Variants in GPR39 observed in about 807,000 individuals in gnomAD.
GPR39 encodes zinc sensing receptor.
In GPR39, 23 loss-of-function variants were observed where a neutral mutation model predicts 18.4. The ratio of observed to expected loss-of-function variants is 1.25; its 90% CI spans 0.90 to 1.77. The LOEUF (loss-of-function observed/expected upper bound fraction) is 1.77. GPR39 is among the 40% of genes most tolerant of loss of function. GPR39 has a pLI of 0.00. For synonymous variants in GPR39, 280 were observed against 257.9 expected (o/e 1.09, Z -0.82); for missense variants, 647 against 602.4 (o/e 1.07, Z -0.78).
intron 1 of GPR39, among the ~76,000 whole-genome samples, chr2:132,527,702 C>G (rs192941025): frequency 1.3e-5 from 2 of 152,218 alleles, no homozygotes; most frequent in Admixed American, 1.3e-4. Context: ...TGACGTTGAG[C>G]TTTTTTTGTA....
intron 1 of GPR39, among the ~76,000 whole-genome samples, chr2:132,638,128 AC>A (rs1160069809): frequency 6.6e-6 from 1 of 152,090 alleles, no homozygotes; most frequent in Non-Finnish European, 1.5e-5. Flanking sequence ...GGAAAAAGAG[AC>A]AGAGGGAGAA....
intron 1 of GPR39, among the ~76,000 whole-genome samples, chr2:132,546,667 G>A (rs1329966977): frequency 1.3e-5 from 2 of 151,368 alleles, no homozygotes; most frequent in African/African-American, 2.4e-5. Flanking sequence ...CCACATTCTA[G>A]GAGTCTGCCT....
intron 1 of GPR39, among the ~76,000 whole-genome samples, chr2:132,574,320 CATAAGG>C (rs1265580531): frequency 6.6e-6 from 1 of 152,202 alleles, no homozygotes; most frequent in South Asian, 2.1e-4. Context: ...TTTGACTACT[CATAAGG>C]ATAAGTATTA....
intron 1 of GPR39, among the ~76,000 whole-genome samples, chr2:132,546,529 A>C (rs548318763): frequency 6.6e-6 from 1 of 152,200 alleles, no homozygotes; most frequent in East Asian, 1.9e-4. Context: ...CTGACTAATG[A>C]ATTGTAAGTT....
rs144665258 is a variant in GPR39, at chr2:132,606,688, C to G, written c.857-38413C>G. On this transcript the variant is annotated intron_variant, in intron 1 of 1. Transcript: ENST00000329321. ...GGGCTTTCTGTATCCCAAGTTCTTG[C>G]CCAGCGTGCCGAAAAAATTAGATCA... is the stretch of plus-strand genomic sequence containing the variant. Among the ~76,000 whole-genome samples the G allele has an allele frequency of 1.8e-3, 274 of 152,296 alleles. 1 individual carries two copies. Among genetic ancestry groups the G allele is most frequent in the African/African-American group, 6.1e-3 (252 of 41,554 alleles).
intron 1 of GPR39, among the ~76,000 whole-genome samples, chr2:132,520,731 G>T (rs777462024): frequency 3.9e-5 from 6 of 152,216 alleles, no homozygotes; most frequent in Non-Finnish European, 7.3e-5. Flanking sequence ...TGCCTGAACA[G>T]TCAGGAGTTT....
At chr2:132,595,567 C>A (rs1391184806) in intron 1 of GPR39, among the ~76,000 whole-genome samples, 1 of 152,114 alleles carries the variant, frequency 6.6e-6, no homozygotes, top group South Asian at 2.1e-4. Flanking sequence ...ACTCAGAGTT[C>A]ATTTTCTGCT....
rs575179432 is a variant in GPR39 at position 132,529,012 on chromosome 2, CAGTG to C, written c.856+111115_856+111118del. On this transcript the variant is annotated intron_variant, in intron 1 of 1. Transcript: ENST00000329321. Reference sequence around the variant, plus strand: ...GTTCATCTCACTGGGGAGTGCCAGACAGTGGGTGCAGGACAGTGGGTGCAGCGCA... The same window carrying C: ...GTTCATCTCACTGGGGAGTGCCAGACGGTGCAGGACAGTGGGTGCAGCGCA... Among the ~76,000 whole-genome samples the C allele has an allele frequency of 3.3e-5, 5 of 152,216 alleles. No homozygotes were observed. In the South Asian group the frequency reaches 1.0e-3, roughly 32 times the overall value.
rs958416636 is a variant in GPR39, at chr2:132,611,428, C to T, written c.857-33673C>T. Among the ~76,000 whole-genome samples, 9 of 152,296 alleles carry T rather than the reference C, an allele frequency of 5.9e-5. 1 individual carries two copies. The highest frequency in any genetic ancestry group is 5.9e-5 in the Non-Finnish European group (4 of 68,038). On this transcript the variant is annotated intron_variant, in intron 1 of 1. Transcript: ENST00000329321. ...TTAGAGGTCATCTATCACCTGATTCCGTTTTTGTTTTCAAGTGACAGAGCA... is the reference window on the plus strand; with the variant it reads ...TTAGAGGTCATCTATCACCTGATTCTGTTTTTGTTTTCAAGTGACAGAGCA...
chr2:132,463,459 C>T (rs1680869672), intron 1 of GPR39, among the ~76,000 whole-genome samples: 1 of 147,734 alleles, frequency 6.8e-6, no homozygotes, highest in Non-Finnish European at 1.5e-5. Context: ...TAAGGCTCTT[C>T]CCTCCCCACT....
At chr2:132,513,862 C>T (rs529995673) in intron 1 of GPR39, among the ~76,000 whole-genome samples, 17 of 152,234 alleles carry the variant, frequency 1.1e-4, no homozygotes, top group Admixed American at 5.2e-4. Context: ...TATAGGCGTG[C>T]GCCACCATGC....
chr2:132,590,088 G>T (rs539049868), intron 1 of GPR39, among the ~76,000 whole-genome samples: 9 of 152,208 alleles, frequency 5.9e-5, no homozygotes, highest in African/African-American at 1.2e-4. Context: ...TTTATCATTT[G>T]TTCTTTGACA....
chr2:132,429,551 T>C (rs1441587302), intron 1 of GPR39, among the ~76,000 whole-genome samples: 3 of 152,210 alleles, frequency 2.0e-5, no homozygotes, highest in Admixed American at 1.3e-4. Flanking sequence ...TGCACTGGCA[T>C]GAGAGTCTCA....
At chr2:132,420,724 A>T (rs1198274531) in intron 1 of GPR39, among the ~76,000 whole-genome samples, 1 of 152,224 alleles carries the variant, frequency 6.6e-6, no homozygotes, top group Non-Finnish European at 1.5e-5. Context: ...CAGAAACAAA[A>T]TTCATAAATC....
chr2:132,620,578 G>A (rs1244652034), intron 1 of GPR39, among the ~76,000 whole-genome samples: 1 of 152,112 alleles, frequency 6.6e-6, no homozygotes. Context: ...ACATTAGGCA[G>A]GGAAGGCCTG....
intron 1 of GPR39, among the ~76,000 whole-genome samples, chr2:132,465,611 C>T (rs763998423): frequency 6.6e-6 from 1 of 152,160 alleles, no homozygotes. Flanking sequence ...TCTCCCTTGG[C>T]AGGTTTACAG....
intron 1 of GPR39, among the ~76,000 whole-genome samples, chr2:132,601,272 A>G (rs1225304231): frequency 6.6e-6 from 1 of 152,166 alleles, no homozygotes; most frequent in Non-Finnish European, 1.5e-5. Context: ...CCCTGATCAA[A>G]TGGGATTCAT....
intron 1 of GPR39, among the ~76,000 whole-genome samples, chr2:132,633,338 CTGTGTGTG>C (rs55722602): frequency 0.057 from 7,870 of 139,108 alleles, 280 homozygotes; most frequent in African/African-American, 0.09. Flanking sequence ...CCAAATACCT[CTGTGTGTG>C]TGTGTGTGTG....
intron 1 of GPR39, among the ~76,000 whole-genome samples, chr2:132,436,588 C>G (rs954976874): frequency 6.6e-6 from 1 of 152,142 alleles, no homozygotes; most frequent in Non-Finnish European, 1.5e-5. Flanking sequence ...GTGAGGTGCT[C>G]TCAGCACTTT....
Sources: gnomAD v4.1 joint callset for allele counts (sites outside exome capture counted in the v4.1 genomes callset) on GRCh38, gnomAD v4.1.1 for gene constraint, MANE v1.5 for transcripts, NCBI Gene and HGNC (gene_info 2026-07-23, HGNC 2026-07-21) for gene names.